SMARCA2: variants seen among roughly 807,000 people sequenced by gnomAD.
SMARCA2 encodes SWI/SNF-related matrix-associated actin-dependent regulator of chromatin subfamily A member 2.
SMARCA2 carries 61 observed loss-of-function variants against 199.8 expected under a neutral mutation model. The observed-to-expected ratio is 0.31, with a 90% CI of 0.25 to 0.38. The LOEUF is 0.38. Among genes scored for constraint, SMARCA2 ranks in the 10% least tolerant of loss-of-function variants. SMARCA2 has a pLI of 1.00. For synonymous variants in SMARCA2, 935 were observed against 732.0 expected, an observed-to-expected ratio of 1.28 and a Z score of -4.48; for missense variants, 1,344 against 2,012.2, an observed-to-expected ratio of 0.67 and a Z score of 6.35.
At chr9:2,082,843 T>A (rs1000682018) in intron 15 of SMARCA2, among the ~76,000 whole-genome samples, 2 of 152,268 alleles carry the variant, frequency 1.3e-5, no homozygotes, top group Admixed American at 1.3e-4. Context: ...AGGCATCTTT[T>A]GCATTTGATC....
chr9:2,076,105 T>G (rs753036010), intron 12 of SMARCA2, 124 bp from the exon 13 acceptor site: 2 of 637,222 alleles, frequency 3.1e-6, no homozygotes, highest in Non-Finnish European at 5.7e-6. Context: ...ACTTCCTCCC[T>G]GAATTTTATG....
intron 31 of SMARCA2, among the ~76,000 whole-genome samples, chr9:2,184,592 A>T (rs1309396734): frequency 6.6e-6 from 1 of 151,788 alleles, no homozygotes; most frequent in African/African-American, 2.4e-5. Context: ...TGACCTCGTG[A>T]TCTACCCACC....
Position 2,182,254 on chromosome 9 carries a change from T to A in SMARCA2, c.4461+12T>A. The A allele has an allele frequency of 6.5e-7, 1 of 1,548,740 alleles. No individual in the cohort carries two copies. Among genetic ancestry groups the A allele is most frequent in the Non-Finnish European group, 8.9e-7 (1 of 1,125,702 alleles). ...TGGAGGGATCCCAGGTCTGTCTTGT[T>A]AAGTTGTCTAAAAGTTCTTAACTGT... On this transcript the variant is annotated intron_variant, in intron 31 of 33. Coordinates refer to ENST00000349721, the MANE Select transcript of SMARCA2 (RefSeq NM_003070.5).
At chr9:2,053,972 T>A (rs1021506049) in intron 5 of SMARCA2, among the ~76,000 whole-genome samples, 1 of 152,248 alleles carries the variant, frequency 6.6e-6, no homozygotes, top group Non-Finnish European at 1.5e-5. Flanking sequence ...TGGCCCTGAT[T>A]TTTTTAAAAC....
chr9:2,146,708 T>A (rs187955170), intron 27 of SMARCA2, among the ~76,000 whole-genome samples: 14 of 152,302 alleles, frequency 9.2e-5, no homozygotes, highest in Non-Finnish European at 1.6e-4. Flanking sequence ...TTTGATGATA[T>A]GCTAAATAAA....
chr9:2,072,876 C>T (rs1821151832), intron 10 of SMARCA2, among the ~76,000 whole-genome samples: 1 of 152,184 alleles, frequency 6.6e-6, no homozygotes, highest in Non-Finnish European at 1.5e-5. Flanking sequence ...TACCGCTTTC[C>T]TGGCATTGTT....
chr9:2,129,585 T>C (rs1330483112), intron 27 of SMARCA2, among the ~76,000 whole-genome samples: 1 of 152,130 alleles, frequency 6.6e-6, no homozygotes, highest in East Asian at 1.9e-4. Flanking sequence ...GAGTTTTCAA[T>C]GGGGTTTCAC....
intron 27 of SMARCA2, among the ~76,000 whole-genome samples, chr9:2,138,918 C>G (rs1824334890): frequency 6.6e-6 from 1 of 152,024 alleles, no homozygotes; most frequent in Non-Finnish European, 1.5e-5. Flanking sequence ...GATTTTTCTC[C>G]CTGTTCTTAG....
intron 29 of SMARCA2, among the ~76,000 whole-genome samples, chr9:2,175,321 A>G (rs2129787838): frequency 7.4e-6 from 1 of 134,612 alleles, no homozygotes; most frequent in South Asian, 2.6e-4. Flanking sequence ...CCCCCCAACA[A>G]TACACACACA....
intron 8 of SMARCA2, 38 bp from the exon 9 acceptor site, chr9:2,060,778 T>C (rs1163198277): frequency 6.2e-7 from 1 of 1,601,004 alleles, no homozygotes; most frequent in Non-Finnish European, 8.5e-7. Context: ...TCTGCACGCT[T>C]ATATTATGCT....
chr9:2,045,138 G>T (rs1819782035), intron 4 of SMARCA2: 1 of 152,186 alleles, frequency 6.6e-6, no homozygotes, highest in African/African-American at 2.4e-5. Context: ...GGCTTTTGTT[G>T]ATGAATTATT....
intron 27 of SMARCA2, chr9:2,160,619 G>T (rs1210738535): frequency 2.8e-6 from 2 of 702,094 alleles, no homozygotes; most frequent in Non-Finnish European, 5.2e-6. Flanking sequence ...GAGAAATGAA[G>T]GTAATTGCCT....
Position 2,104,931 on chromosome 9 carries a change from C to G in SMARCA2, c.3292+762C>G, listed in dbSNP as rs1275887265. On this transcript the variant is annotated intron_variant, in intron 23 of 33. Transcript: ENST00000349721. The surrounding 1 kb of genome is among the most constrained non-coding windows in gnomAD (Gnocchi z 4.0). ...GTAAGTAGGAATAGAAGTTAATTTA[C>G]AGTCAGGATGCTATTTAATCCCTGG... Among the ~76,000 whole-genome samples the G allele has an allele frequency of 6.6e-6, 1 of 152,128 alleles. No homozygotes were observed. The highest frequency in any genetic ancestry group is 1.5e-5 in the Non-Finnish European group (1 of 68,010).
intron 31 of SMARCA2, among the ~76,000 whole-genome samples, chr9:2,183,876 T>C (rs1827234639): frequency 6.6e-6 from 1 of 152,188 alleles, no homozygotes; most frequent in Non-Finnish European, 1.5e-5. Context: ...GGATTCTTTA[T>C]GTCAATATGG....
chr9:2,159,519 A>G (rs1825555304), intron 27 of SMARCA2: 3 of 249,182 alleles, frequency 1.2e-5, no homozygotes, highest in Non-Finnish European at 2.3e-5. Context: ...AATAAATTTG[A>G]ATATTAATTT....
rs921416505 is a variant in SMARCA2, at chr9:2,115,747, C to G, written c.3457-75C>G. 8.5e-7 allele frequency: 1 copy of G among 1,182,746 alleles called. No homozygotes were observed. Among genetic ancestry groups the G allele is most frequent in the Non-Finnish European group, 1.2e-6 (1 of 811,178 alleles). The allele number at this position is 1,182,746 out of a possible 1,614,324, so 73.3% of individuals were successfully genotyped here. ...AAATACAGAACCCTTCCATATTTCCCTCTGGGGTGGGGTCCGGTTTTGGAT... is the reference window on the plus strand; with the variant it reads ...AAATACAGAACCCTTCCATATTTCCGTCTGGGGTGGGGTCCGGTTTTGGAT... On this transcript the variant is annotated intron_variant, in intron 24 of 33. Coordinates refer to ENST00000349721, the MANE Select transcript of SMARCA2 (RefSeq NM_003070.5). The surrounding 1 kb of genome is among the most constrained non-coding windows in gnomAD (Gnocchi z 6.0).
intron 29 of SMARCA2, among the ~76,000 whole-genome samples, chr9:2,178,962 A>G (rs191416818): frequency 8.5e-5 from 13 of 152,314 alleles, no homozygotes; most frequent in East Asian, 7.7e-4. Flanking sequence ...TGGAAGAATT[A>G]GGTTCTGAGC....
rs755744610 is a variant in SMARCA2, at chr9:2,029,198, C to T, written c.176C>T (p.Thr59Met). The change falls in exon 2 of 34, where the codon ACG becomes ATG. Residue 59 changes from threonine to methionine, a missense_variant. Physicochemically the swap from Thr to Met is moderately conservative, Grantham distance 81. Coordinates refer to ENST00000349721, the MANE Select transcript of SMARCA2 (RefSeq NM_003070.5). ...CCAAGTGTCTCCCATCCTATGCCGA[C>T]GATGGGGTCCACAGACTTCCCACAG... The part of the protein sequence containing the change: ...GPPSVSHPMP[T>M]MGSTDFPQEG... 37 of 1,613,360 alleles carry T rather than the reference C, an allele frequency of 2.3e-5. No individual in the cohort carries two copies. The highest frequency in any genetic ancestry group is 1.7e-4 in the Middle Eastern group (1 of 6,054).
intron 9 of SMARCA2, among the ~76,000 whole-genome samples, chr9:2,067,018 A>G (rs1430680618): frequency 1.3e-5 from 2 of 152,214 alleles, no homozygotes; most frequent in Non-Finnish European, 2.9e-5. Flanking sequence ...CAATGTCATC[A>G]AACTGAAGGA....
Sources: allele counts gnomAD v4.1 joint callset (sites outside exome capture counted in the v4.1 genomes callset), GRCh38; gene constraint gnomAD v4.1.1; non-coding constraint Gnocchi (gnomAD v3.1); transcripts MANE v1.5; gene names NCBI Gene and HGNC (gene_info 2026-07-23, HGNC 2026-07-21).